Variants in RGS6 observed in about 807,000 individuals in gnomAD.
RGS6 encodes the protein regulator of G protein signaling 6.
RGS6 carries 30 observed loss-of-function variants against 78.5 expected under a neutral mutation model. The ratio of observed to expected loss-of-function variants is 0.38; its 90% CI spans 0.29 to 0.52. The LOEUF is 0.52. Ranked by LOEUF, RGS6 falls within the 20% of genes least tolerant of loss-of-function variation. The pLI, the probability that RGS6 is intolerant of heterozygous loss-of-function variation, is 0.85. For missense variants in RGS6, 495 were observed against 609.7 expected (o/e 0.81, Z 1.98); for synonymous variants, 206 against 206.0 (o/e 1.00, Z 0.00).
chr14:72,191,520 G>T (rs2097325386), intron 2 of RGS6, among the ~76,000 whole-genome samples: 1 of 152,220 alleles, frequency 6.6e-6, no homozygotes, highest in South Asian at 2.1e-4. Context: ...AATCACGGCA[G>T]AAGATGAAGG....
chr14:71,874,051 A>G, the RGS6 span, among the ~76,000 whole-genome samples: 1 of 152,124 alleles, frequency 6.6e-6, no homozygotes, highest in Non-Finnish European at 1.5e-5. Context: ...GTAGCCTTGT[A>G]GTATAGTTTG....
intron 2 of RGS6, among the ~76,000 whole-genome samples, chr14:72,344,646 A>G (rs2077654454): frequency 6.6e-6 from 1 of 152,196 alleles, no homozygotes; most frequent in South Asian, 2.1e-4. Flanking sequence ...TTCAAGAAAT[A>G]TTTACTGAGT....
Position 72,429,205 on chromosome 14 carries a change from T to TA in RGS6, c.185-25316dup, listed in dbSNP as rs576125414. On this transcript the variant is annotated intron_variant, in intron 3 of 17. Coordinates refer to ENST00000553525, the MANE Select transcript of RGS6 (RefSeq NM_001204424.2). The stretch of plus-strand genomic sequence containing the variant: ...TGGCAGAGCAAGACTCTGTCTCAGA[T>TA]AAAAAAAGGGATGTGCATTTCTAAT... Among the ~76,000 whole-genome samples, 314 of 152,048 alleles carry TA rather than the reference T, an allele frequency of 2.1e-3. 4 individuals carry two copies. The highest frequency in any genetic ancestry group is 6.8e-3 in the African/African-American group (281 of 41,480).
intron 3 of RGS6, among the ~76,000 whole-genome samples, chr14:72,402,952 A>C (rs1402868361): frequency 1.3e-5 from 2 of 151,712 alleles, no homozygotes; most frequent in African/African-American, 4.8e-5. Context: ...GTGTGCCACC[A>C]CACCCAGCTA....
the RGS6 span, among the ~76,000 whole-genome samples, chr14:72,626,799 G>A: frequency 6.6e-6 from 1 of 152,050 alleles, no homozygotes; most frequent in African/African-American, 2.4e-5. Context: ...CACCAACAAT[G>A]TATGAAGGCA....
At chr14:72,462,677 G>A (rs1292337582) in intron 6 of RGS6, among the ~76,000 whole-genome samples, 1 of 152,200 alleles carries the variant, frequency 6.6e-6, no homozygotes, top group African/African-American at 2.4e-5. Context: ...GTGACTGAAT[G>A]AATAAATGGA....
At chr14:72,182,764 A>G (rs1452043590) in intron 2 of RGS6, among the ~76,000 whole-genome samples, 1 of 152,206 alleles carries the variant, frequency 6.6e-6, no homozygotes, top group Admixed American at 6.5e-5. Flanking sequence ...TAAGAGGGAA[A>G]ATCCATTGTG....
At chr14:72,282,672 A>G (rs1333436610) in intron 2 of RGS6, among the ~76,000 whole-genome samples, 2 of 152,250 alleles carry the variant, frequency 1.3e-5, no homozygotes, top group African/African-American at 2.4e-5. Flanking sequence ...GTTTGGACAT[A>G]TGCAATTACC....
chr14:72,521,762 G>A (rs2097046067), intron 15 of RGS6, among the ~76,000 whole-genome samples: 1 of 152,086 alleles, frequency 6.6e-6, no homozygotes, highest in Non-Finnish European at 1.5e-5. Context: ...TAAATTCCCT[G>A]AGTCTTCCTT....
At chr14:72,185,254 G>T (rs1317697450) in intron 2 of RGS6, among the ~76,000 whole-genome samples, 2 of 151,972 alleles carry the variant, frequency 1.3e-5, no homozygotes, top group South Asian at 2.1e-4. Flanking sequence ...GCCTCTCCCA[G>T]TCCACTGACT....
At chr14:72,015,980 A>G (rs2086867480) in intron 2 of RGS6, among the ~76,000 whole-genome samples, 1 of 152,070 alleles carries the variant, frequency 6.6e-6, no homozygotes, top group Non-Finnish European at 1.5e-5. Flanking sequence ...ATGGGCCCCA[A>G]ATATCTTTAC....
At chr14:72,309,710 T>C (rs2068090623) in intron 2 of RGS6, among the ~76,000 whole-genome samples, 1 of 152,242 alleles carries the variant, frequency 6.6e-6, no homozygotes, top group South Asian at 2.1e-4. Context: ...CTCTTTTAAA[T>C]AGGTTCTTTC....
intron 2 of RGS6, among the ~76,000 whole-genome samples, chr14:72,324,197 A>G (rs375271099): frequency 1.3e-5 from 2 of 152,184 alleles, no homozygotes; most frequent in South Asian, 4.1e-4. Context: ...AATAGACCAA[A>G]CTACATATGA....
intron 2 of RGS6, among the ~76,000 whole-genome samples, chr14:72,295,042 A>G (rs2064456332): frequency 1.3e-5 from 2 of 152,152 alleles, no homozygotes; most frequent in African/African-American, 2.4e-5. Flanking sequence ...CTGTAATCCC[A>G]GCACTTTGGG....
rs145488536 is a variant in RGS6 at position 72,559,468 on chromosome 14, C to T, written c.1423-2949C>T. On this transcript the variant is annotated intron_variant, in intron 17 of 17. Coordinates refer to ENST00000553525, the MANE Select transcript of RGS6 (RefSeq NM_001204424.2). ...CAGTCTGAGCCTGCCCTCACTCACG[C>T]GGGAGGTCACTGGGTAGCGAGTAGA... is the stretch of plus-strand genomic sequence containing the variant. 7.0e-4 allele frequency among the ~76,000 whole-genome samples: 106 copies of T among 152,334 alleles called. No individual in the cohort carries two copies. The South Asian group carries it at 8.9e-3, about 13-fold the overall frequency.
chr14:72,318,310 A>T (rs1375132826), intron 2 of RGS6, among the ~76,000 whole-genome samples: 1 of 152,168 alleles, frequency 6.6e-6, no homozygotes, highest in Non-Finnish European at 1.5e-5. Flanking sequence ...CCTGGTTTAC[A>T]TGCTGGCCAT....
At chr14:72,000,373 A>C (rs977773269) in intron 2 of RGS6, among the ~76,000 whole-genome samples, 2 of 152,114 alleles carry the variant, frequency 1.3e-5, no homozygotes, top group Non-Finnish European at 2.9e-5. Context: ...AATTTGAGGA[A>C]TGGGAGCTTG....
intron 2 of RGS6, among the ~76,000 whole-genome samples, chr14:72,061,256 A>G (rs1234893585): frequency 1.3e-5 from 2 of 152,182 alleles, no homozygotes; most frequent in Non-Finnish European, 2.9e-5. Context: ...TAAATTATTG[A>G]CAACCTGTAC....
At chr14:72,612,633 G>T in the RGS6 span, 1 of 518,738 alleles carries the variant, frequency 1.9e-6, no homozygotes, top group South Asian at 1.4e-5. Flanking sequence ...GGTCTCAGTG[G>T]GGAGTAGACA....
Sources: gnomAD v4.1 joint callset for allele counts (sites outside exome capture counted in the v4.1 genomes callset) on GRCh38, gnomAD v4.1.1 for gene constraint, MANE v1.5 for transcripts, NCBI Gene and HGNC (gene_info 2026-07-23, HGNC 2026-07-21) for gene names.